Variants in COL24A1 observed in about 807,000 individuals in gnomAD.
COL24A1 encodes the protein collagen alpha-1(XXIV) chain.
Under a neutral mutation model 253.9 loss-of-function variants are expected in COL24A1, and 224 were observed. That is an observed-to-expected ratio of 0.88 (90% CI 0.79 to 0.99). The LOEUF (loss-of-function observed/expected upper bound fraction) is 0.99, where lower values mean the gene tolerates loss of function less well. COL24A1 is among the 50% of genes least tolerant of loss of function. The pLI, the probability that COL24A1 is intolerant of heterozygous loss-of-function variation, is 0.00. For missense variants in COL24A1, 2,131 were observed against 2,068.5 expected (o/e 1.03, Z -0.59); for synonymous variants, 685 against 673.7 (o/e 1.02, Z -0.26).
chr1:86,075,529 C>T (rs1170631768), intron 7 of COL24A1, among the ~76,000 whole-genome samples: 2 of 152,146 alleles, frequency 1.3e-5, no homozygotes, highest in Non-Finnish European at 2.9e-5. Flanking sequence ...GGGACTCCTC[C>T]TTAACTCATT....
At chr1:86,017,657 T>C (rs947542936) in intron 18 of COL24A1, among the ~76,000 whole-genome samples, 2 of 152,224 alleles carry the variant, frequency 1.3e-5, no homozygotes, top group Non-Finnish European at 2.9e-5. Context: ...GAAATCCTTG[T>C]TGCTTAATCT....
intron 3 of COL24A1, among the ~76,000 whole-genome samples, chr1:86,119,318 T>C (rs946950584): frequency 1.4e-5 from 2 of 147,614 alleles, no homozygotes; most frequent in African/African-American, 2.5e-5. Context: ...AAACCTTGGA[T>C]ACATATTAGT....
intron 59 of COL24A1, among the ~76,000 whole-genome samples, chr1:85,733,816 G>C (rs1423930757): frequency 6.6e-6 from 1 of 151,426 alleles, no homozygotes; most frequent in African/African-American, 2.4e-5. Flanking sequence ...CTGGCCTCAA[G>C]TGAACCACCC....
At chr1:86,020,395 G>C (rs1697416383) in intron 18 of COL24A1, among the ~76,000 whole-genome samples, 3 of 152,010 alleles carry the variant, frequency 2.0e-5, no homozygotes, top group African/African-American at 7.2e-5. Context: ...TGAGAAGCTG[G>C]TACCATGGTG....
intron 47 of COL24A1, among the ~76,000 whole-genome samples, chr1:85,799,370 T>C (rs1463121025): frequency 1.0e-5 from 1 of 99,756 alleles, no homozygotes; most frequent in African/African-American, 4.0e-5. Flanking sequence ...AACACCATGG[T>C]GCCATGACTA....
chr1:85,969,744 A>C (rs1691958831), intron 22 of COL24A1, among the ~76,000 whole-genome samples: 1 of 151,958 alleles, frequency 6.6e-6, no homozygotes. Context: ...ATTATTTCAT[A>C]AGGTAAACTT....
At chr1:85,847,623 C>T (rs1170298495) in intron 39 of COL24A1, 42 bp downstream of exon 39, 2 of 1,424,566 alleles carry the variant, frequency 1.4e-6, no homozygotes, top group South Asian at 1.2e-5. Context: ...GTTTCTTTCC[C>T]ATCCACAGTG....
intron 37 of COL24A1, among the ~76,000 whole-genome samples, chr1:85,850,704 T>C (rs1677661165): frequency 6.6e-6 from 1 of 152,114 alleles, no homozygotes; most frequent in Non-Finnish European, 1.5e-5. Context: ...CAGCCGTAGG[T>C]AGATTATTTA....
chr1:85,841,169 A>T, intron 42 of COL24A1, 53 bp downstream of exon 42: 1 of 1,236,502 alleles, frequency 8.1e-7, no homozygotes, highest in Non-Finnish European at 1.2e-6. Context: ...TGAATCTATT[A>T]TATAATTGTG....
intron 55 of COL24A1, among the ~76,000 whole-genome samples, chr1:85,754,514 G>A (rs1665982036): frequency 1.1e-5 from 1 of 90,484 alleles, no homozygotes; most frequent in African/African-American, 4.4e-5. Context: ...ATGTGCACAT[G>A]TACCCTAAAA....
rs753008586 is a variant in COL24A1, at chr1:86,022,555, C to T, written c.2185G>A (p.Gly729Arg). 3.2e-5 allele frequency: 52 copies of T among 1,612,468 alleles called. No homozygotes were observed. The highest frequency in any genetic ancestry group is 1.3e-4 in the South Asian group (12 of 90,760). Reference sequence around the variant, plus strand: ...AACATTACCTTGTCTCCAGGATACCCGGGTTCTCCTAGCTCTCCTGCTGTG... The same window carrying T: ...AACATTACCTTGTCTCCAGGATACCTGGGTTCTCCTAGCTCTCCTGCTGTG... ...QGTAGELGEPGYPGDKGAVGL... is the reference protein window; with the variant it reads ...QGTAGELGEPRYPGDKGAVGL... Residue 729 changes from glycine to arginine, a missense_variant, in exon 17 of 60, where the codon GGG becomes AGG. Gly to Arg is a moderately radical substitution (Grantham distance 125). Transcript: ENST00000370571.
chr1:85,830,608 G>A (rs577219498), intron 43 of COL24A1, among the ~76,000 whole-genome samples: 4 of 152,192 alleles, frequency 2.6e-5, no homozygotes, highest in Non-Finnish European at 4.4e-5. Flanking sequence ...AGCCATGTGC[G>A]GGATATAATC....
chr1:85,907,702 G>A (rs1249495164), intron 27 of COL24A1, among the ~76,000 whole-genome samples: 1 of 151,682 alleles, frequency 6.6e-6, no homozygotes, highest in African/African-American at 2.4e-5. Flanking sequence ...GCCACAAAAT[G>A]TTCCAAATTA....
chr1:85,841,244 G>A lies in COL24A1; in HGVS notation c.3605C>T (p.Pro1202Leu), dbSNP rs1676579613. ...TACTGGTTCACCTCGAGGCCCAGGT[G>A]GTCCTAGGACTGTGCTATCTTCTCC... ...YPGEDSTVLGPPGPRGEPGPV... is the reference protein window; with the variant it reads ...YPGEDSTVLGLPGPRGEPGPV... Residue 1202 changes from proline to leucine, a missense_variant, in exon 42 of 60, where the codon CCA (proline) becomes CTA (leucine). Transcript: ENST00000370571. 7 of 1,603,636 alleles carry A rather than the reference G, an allele frequency of 4.4e-6. No individual in the cohort carries two copies. The highest frequency in any genetic ancestry group is 5.1e-6 in the Non-Finnish European group (6 of 1,175,984).
Position 85,730,535 on chromosome 1 carries a change from A to G in COL24A1, c.*11T>C. On this transcript the variant is annotated 3_prime_UTR_variant, in exon 60 of 60. Transcript: ENST00000370571. ...GGCCAACAGCCTGAATTCGGAACTA[A>G]TTCAGAGACTTTACAGAAAGCATAC... The G allele has an allele frequency of 6.2e-7, 1 of 1,613,078 alleles. No homozygotes were observed. Among genetic ancestry groups the G allele is most frequent in the Non-Finnish European group, 8.5e-7 (1 of 1,179,286 alleles).
At chr1:86,070,477 A>G (rs901744725) in intron 7 of COL24A1, among the ~76,000 whole-genome samples, 1 of 152,342 alleles carries the variant, frequency 6.6e-6, no homozygotes, top group African/African-American at 2.4e-5. Flanking sequence ...ATTCAAGTAC[A>G]AGAAGGTTAT....
At chr1:85,744,318 T>C (rs781369350) in intron 57 of COL24A1, among the ~76,000 whole-genome samples, 1 of 152,080 alleles carries the variant, frequency 6.6e-6, no homozygotes, top group Non-Finnish European at 1.5e-5. Context: ...GTGAAGGAGA[T>C]GCTATAATAT....
chr1:85,894,037 T>C lies in COL24A1; in HGVS notation c.2922+1821A>G, dbSNP rs190735101. The stretch of plus-strand genomic sequence containing the variant: ...AATTTATCTTTCTAATATACAGCAC[T>C]GCCTGTTTGTTGATAGTGCATAAAT... On this transcript the variant is annotated intron_variant, in intron 31 of 59. Transcript: ENST00000370571. 2.0e-3 allele frequency among the ~76,000 whole-genome samples: 312 copies of C among 152,328 alleles called. 10 individuals carry two copies. The South Asian group carries it at 0.052, about 25-fold the overall frequency.
intron 12 of COL24A1, among the ~76,000 whole-genome samples, chr1:86,037,899 A>C (rs1332261850): frequency 6.6e-6 from 1 of 152,112 alleles, no homozygotes; most frequent in Non-Finnish European, 1.5e-5. Flanking sequence ...GTTTTAAAAA[A>C]CTTAGATCAT....
Sources: gnomAD v4.1 joint callset for allele counts (sites outside exome capture counted in the v4.1 genomes callset) on GRCh38, gnomAD v4.1.1 for gene constraint, MANE v1.5 for transcripts, NCBI Gene and HGNC (gene_info 2026-07-23, HGNC 2026-07-21) for gene names.